TMTC2: variants seen among roughly 807,000 people sequenced by gnomAD.
TMTC2 encodes protein O-mannosyl-transferase TMTC2.
TMTC2 carries 43 observed loss-of-function variants against 82.4 expected under a neutral mutation model. The ratio of observed to expected loss-of-function variants is 0.52; its 90% CI spans 0.41 to 0.67. The LOEUF (loss-of-function observed/expected upper bound fraction) is 0.67. Among genes scored for constraint, TMTC2 ranks in the 30% least tolerant of loss-of-function variants. The pLI is 0.00. For missense variants in TMTC2, 919 were observed against 1,012.4 expected (o/e 0.91, Z 1.25); for synonymous variants, 408 against 381.9 (o/e 1.07, Z -0.80).
chr12:82,893,573 G>A (rs74106172), intron 2 of TMTC2, among the ~76,000 whole-genome samples: 21 of 151,716 alleles, frequency 1.4e-4, no homozygotes, highest in Non-Finnish European at 2.1e-4. Context: ...TAATTCCACC[G>A]CTTAAAATTG....
intron 11 of TMTC2, among the ~76,000 whole-genome samples, chr12:83,082,589 C>T (rs938735015): frequency 1.1e-4 from 17 of 152,122 alleles, no homozygotes; most frequent in Admixed American, 2.0e-4. Flanking sequence ...ATAGGTTAGC[C>T]TGTGTATGCT....
At chr12:82,912,342 A>G (rs9308329) in intron 3 of TMTC2, among the ~76,000 whole-genome samples, 39,903 of 151,936 alleles carry the variant, frequency 0.26, 7,601 homozygotes, top group African/African-American at 0.54. Context: ...GTCGTTTAAT[A>G]TTTGGGGCTC....
chr12:83,095,461 T>C (rs888323056), intron 11 of TMTC2, among the ~76,000 whole-genome samples: 1 of 152,008 alleles, frequency 6.6e-6, no homozygotes, highest in African/African-American at 2.4e-5. Flanking sequence ...AGGATGGTCT[T>C]GGTCTCCTGA....
rs1460272295 is a variant in TMTC2 at position 82,731,208 on chromosome 12, C to G, written c.83+43539C>G. 5.3e-5 allele frequency among the ~76,000 whole-genome samples: 8 copies of G among 152,328 alleles called. No individual in the cohort carries two copies. In the East Asian group the frequency reaches 1.5e-3, roughly 29 times the overall value. On this transcript the variant is annotated intron_variant, in intron 1 of 11. Coordinates refer to ENST00000321196, the MANE Select transcript of TMTC2 (RefSeq NM_152588.3). ...GCATACCACTTGATAGTTGTCACAA[C>G]TTAAATTTGCTGTGTAATGTGTAGC...
chr12:83,045,713 A>ACACACACACACACG (rs1010341023), intron 9 of TMTC2, among the ~76,000 whole-genome samples: 1 of 118,304 alleles, frequency 8.5e-6, no homozygotes, highest in Non-Finnish European at 1.9e-5. Flanking sequence ...TCCTTCACAC[A>ACACACACACACACG]CACACACACA....
chr12:82,761,232 A>G (rs1267804371), intron 1 of TMTC2, among the ~76,000 whole-genome samples: 2 of 152,220 alleles, frequency 1.3e-5, no homozygotes, highest in Non-Finnish European at 2.9e-5. Context: ...ACTCTGAAAC[A>G]ACAAAGTACC....
intron 1 of TMTC2, among the ~76,000 whole-genome samples, chr12:82,797,935 AT>A (rs72046660): frequency 0.013 from 1,592 of 121,800 alleles, 7 homozygotes; most frequent in East Asian, 0.024. Context: ...AACCACCCTA[AT>A]TTTTTTTTTT....
chr12:82,957,529 A>C (rs963380442), intron 4 of TMTC2, among the ~76,000 whole-genome samples: 1 of 152,212 alleles, frequency 6.6e-6, no homozygotes, highest in Non-Finnish European at 1.5e-5. Flanking sequence ...AACAAAAGTC[A>C]AAACAGAACT....
At chr12:82,822,821 T>G (rs779983559) in intron 1 of TMTC2, among the ~76,000 whole-genome samples, 1 of 152,218 alleles carries the variant, frequency 6.6e-6, no homozygotes, top group Non-Finnish European at 1.5e-5. Context: ...CATTTTGTGC[T>G]TCGTATAGCT....
intron 3 of TMTC2, among the ~76,000 whole-genome samples, chr12:82,903,854 A>G (rs1272741844): frequency 6.6e-6 from 1 of 151,466 alleles, no homozygotes; most frequent in African/African-American, 2.4e-5. Flanking sequence ...CTGTTTACAG[A>G]TATAATGTAC....
chr12:82,767,812 T>C (rs1373826937), intron 1 of TMTC2, among the ~76,000 whole-genome samples: 1 of 152,190 alleles, frequency 6.6e-6, no homozygotes, highest in Non-Finnish European at 1.5e-5. Context: ...TCTGAAATTT[T>C]CAACTTCAGT....
At chr12:83,038,928 T>G (rs922782935) in intron 9 of TMTC2, among the ~76,000 whole-genome samples, 4 of 51,590 alleles carry the variant, frequency 7.8e-5, no homozygotes, top group South Asian at 6.3e-4. Flanking sequence ...AGCACCTTGG[T>G]TTTTTTTTTT....
At chr12:82,924,772 C>G (rs1875605406) in intron 3 of TMTC2, among the ~76,000 whole-genome samples, 1 of 152,150 alleles carries the variant, frequency 6.6e-6, no homozygotes, top group South Asian at 2.1e-4. Flanking sequence ...CCCTGTTGCT[C>G]CTTTAGTTCG....
intron 3 of TMTC2, among the ~76,000 whole-genome samples, chr12:82,913,369 C>T (rs1874810905): frequency 6.6e-6 from 1 of 152,078 alleles, no homozygotes; most frequent in Admixed American, 6.6e-5. Flanking sequence ...CTCATTCTCA[C>T]ATTGAGCCTG....
chr12:83,121,208 T>A (rs1884936519), intron 11 of TMTC2, among the ~76,000 whole-genome samples: 1 of 152,170 alleles, frequency 6.6e-6, no homozygotes, highest in Non-Finnish European at 1.5e-5. Context: ...GTGTGATTTT[T>A]TGGGGTGTGT....
chr12:82,863,307 C>T (rs562190214), intron 2 of TMTC2, among the ~76,000 whole-genome samples: 8 of 152,086 alleles, frequency 5.3e-5, no homozygotes, highest in South Asian at 2.1e-4. Context: ...CTTGACTTTG[C>T]GAGAATCCAG....
intron 1 of TMTC2, among the ~76,000 whole-genome samples, chr12:82,843,690 G>A (rs1870471242): frequency 6.6e-6 from 1 of 152,042 alleles, no homozygotes; most frequent in Non-Finnish European, 1.5e-5. Context: ...GCTCACACCT[G>A]TAATCCCAGC....
chr12:83,121,261 G>C (rs12308139), intron 11 of TMTC2, among the ~76,000 whole-genome samples: 10,008 of 152,164 alleles, frequency 0.066, 530 homozygotes, highest in African/African-American at 0.13. Flanking sequence ...TGGTTTTCTG[G>C]TTCCTTCTCA....
At chr12:82,735,521 A>G (rs894965437) in intron 1 of TMTC2, among the ~76,000 whole-genome samples, 1 of 151,638 alleles carries the variant, frequency 6.6e-6, no homozygotes, top group African/African-American at 2.4e-5. Context: ...AATTTTTTGT[A>G]TTTTTAGTAG....
Sources: gnomAD v4.1 joint callset for allele counts (sites outside exome capture counted in the v4.1 genomes callset) on GRCh38, gnomAD v4.1.1 for gene constraint, MANE v1.5 for transcripts, NCBI Gene and HGNC (gene_info 2026-07-23, HGNC 2026-07-21) for gene names.